The following PACRG variants were observed in gnomAD, a reference collection of about 807,000 sequenced individuals.
The protein encoded by PACRG is parkin coregulated gene protein.
PACRG carries 29 observed loss-of-function variants against 29.7 expected under a neutral mutation model. The observed-to-expected ratio is 0.98, with a 90% CI of 0.73 to 1.33. The LOEUF (loss-of-function observed/expected upper bound fraction) is 1.33, where lower values mean the gene tolerates loss of function less well. PACRG is among the 40% of genes most tolerant of loss of function. The pLI is 0.00. For missense variants in PACRG, 279 were observed against 316.2 expected (o/e 0.88, Z 0.89); for synonymous variants, 116 against 118.7 (o/e 0.98, Z 0.15).
At chr6:163,213,095 A>G (rs1271615785) in intron 4 of PACRG, among the ~76,000 whole-genome samples, 1 of 152,184 alleles carries the variant, frequency 6.6e-6, no homozygotes, top group Non-Finnish European at 1.5e-5. Context: ...GACAATCTTA[A>G]TTGAAGGATC....
At chr6:162,803,899 A>G (rs933375432) in intron 1 of PACRG, among the ~76,000 whole-genome samples, 3 of 152,176 alleles carry the variant, frequency 2.0e-5, no homozygotes, top group Non-Finnish European at 4.4e-5. Flanking sequence ...AAATAATATA[A>G]AACATCATAT....
chr6:162,886,433 C>A (rs903917468), intron 2 of PACRG, among the ~76,000 whole-genome samples: 1 of 152,176 alleles, frequency 6.6e-6, no homozygotes, highest in African/African-American at 2.4e-5. Flanking sequence ...CTTATGTATC[C>A]TGTGGACTTG....
At chr6:163,071,785 G>T (rs1417271879) in intron 3 of PACRG, among the ~76,000 whole-genome samples, 1 of 151,190 alleles carries the variant, frequency 6.6e-6, no homozygotes, top group African/African-American at 2.4e-5. Context: ...AAGGATCATT[G>T]GTGGGTACAA....
chr6:163,099,892 C>G (rs371935683), intron 4 of PACRG, among the ~76,000 whole-genome samples: 1 of 152,278 alleles, frequency 6.6e-6, no homozygotes, highest in African/African-American at 2.4e-5. Flanking sequence ...TTGAGTCGCA[C>G]GTGCTCTTCT....
intron 1 of PACRG, among the ~76,000 whole-genome samples, chr6:162,742,942 C>A (rs543276741): frequency 6.6e-6 from 1 of 152,122 alleles, no homozygotes; most frequent in East Asian, 1.9e-4. Context: ...TTTTGAGGGA[C>A]CTCCGTACTG....
chr6:162,757,567 G>T (rs941862896), intron 1 of PACRG, among the ~76,000 whole-genome samples: 4 of 152,066 alleles, frequency 2.6e-5, no homozygotes, highest in Non-Finnish European at 4.4e-5. Flanking sequence ...AATTAGCCGG[G>T]CGTGTTGGTG....
chr6:162,848,416 T>C (rs2128421542), intron 2 of PACRG, among the ~76,000 whole-genome samples: 1 of 152,324 alleles, frequency 6.6e-6, no homozygotes, highest in Non-Finnish European at 1.5e-5. Context: ...AATAGACTCA[T>C]GTTCAAAATA....
At chr6:163,228,436 G>C (rs915053109) in intron 4 of PACRG, among the ~76,000 whole-genome samples, 19 of 149,498 alleles carry the variant, frequency 1.3e-4, no homozygotes, top group African/African-American at 4.7e-4. Flanking sequence ...AGAGTACCTG[G>C]CACACAGCGG....
intron 1 of PACRG, among the ~76,000 whole-genome samples, chr6:162,743,632 T>C (rs1175685307): frequency 6.6e-6 from 1 of 152,190 alleles, no homozygotes; most frequent in East Asian, 1.9e-4. Flanking sequence ...TATTTTTTTC[T>C]TTTGCTTTCC....
intron 1 of PACRG, among the ~76,000 whole-genome samples, chr6:162,775,240 C>G (rs555952876): frequency 5.9e-5 from 9 of 152,270 alleles, no homozygotes; most frequent in Middle Eastern, 3.4e-3. Context: ...GACTTCTTAG[C>G]TTCTGAAACG....
At chr6:162,855,824 T>G (rs1469732879) in intron 2 of PACRG, among the ~76,000 whole-genome samples, 1 of 152,178 alleles carries the variant, frequency 6.6e-6, no homozygotes, top group African/African-American at 2.4e-5. Flanking sequence ...CAGTGGACAC[T>G]GGGTGGGAGA....
intron 4 of PACRG, among the ~76,000 whole-genome samples, chr6:163,123,478 C>T (rs1816387624): frequency 5.3e-5 from 8 of 152,212 alleles, no homozygotes; most frequent in Admixed American, 5.2e-4. Flanking sequence ...CAAGAACTCT[C>T]ACCCTTTCTA....
intron 4 of PACRG, among the ~76,000 whole-genome samples, chr6:163,111,148 T>G (rs1354279664): frequency 6.6e-6 from 1 of 152,216 alleles, no homozygotes; most frequent in Non-Finnish European, 1.5e-5. Flanking sequence ...CGCTAGAACC[T>G]GCCCAAGAAC....
intron 2 of PACRG, among the ~76,000 whole-genome samples, chr6:163,052,244 C>T (rs183701636): frequency 5.5e-4 from 84 of 152,148 alleles, no homozygotes; most frequent in Non-Finnish European, 1.0e-3. Flanking sequence ...ATTTTAGAAA[C>T]GTCACAATAA....
intron 4 of PACRG, among the ~76,000 whole-genome samples, chr6:163,265,212 G>A (rs892736882): frequency 2.6e-5 from 4 of 152,176 alleles, no homozygotes; most frequent in African/African-American, 7.2e-5. Context: ...TAGGGATTCC[G>A]ACCCTGATAG....
intron 4 of PACRG, among the ~76,000 whole-genome samples, chr6:163,184,167 T>C (rs1779805448): frequency 6.6e-6 from 1 of 152,228 alleles, no homozygotes; most frequent in African/African-American, 2.4e-5. Flanking sequence ...CAAAAATCAA[T>C]GTGCAAATTT....
intron 3 of PACRG, among the ~76,000 whole-genome samples, chr6:163,081,121 G>A (rs1022357429): frequency 6.6e-6 from 1 of 151,992 alleles, no homozygotes; most frequent in Non-Finnish European, 1.5e-5. Context: ...AATATATTTT[G>A]AATTCATTCT....
At chr6:162,973,780 A>G (rs112633678) in intron 2 of PACRG, among the ~76,000 whole-genome samples, 2 of 150,260 alleles carry the variant, frequency 1.3e-5, no homozygotes, top group African/African-American at 5.0e-5. Context: ...GTGTGTGTGT[A>G]TGCGTGCGCA....
intron 2 of PACRG, among the ~76,000 whole-genome samples, chr6:162,849,969 C>T (rs1383947859): frequency 6.6e-6 from 1 of 152,040 alleles, no homozygotes; most frequent in African/African-American, 2.4e-5. Context: ...CTCAACTATC[C>T]CCAAAATGCT....
Sources: gnomAD v4.1 joint callset for allele counts (sites outside exome capture counted in the v4.1 genomes callset) on GRCh38, gnomAD v4.1.1 for gene constraint, MANE v1.5 for transcripts, NCBI Gene and HGNC (gene_info 2026-07-23, HGNC 2026-07-21) for gene names.